Variants in LINGO2 observed in about 807,000 individuals in gnomAD.
LINGO2 encodes leucine rich repeat and Ig domain containing 2.
A neutral mutation model predicts 30.6 loss-of-function variants in LINGO2; 14 were observed. The observed-to-expected ratio is 0.46, with a 90% confidence interval of 0.30 to 0.72. The LOEUF is 0.72. LINGO2 is among the 30% of genes least tolerant of loss of function. The pLI is 0.07. For missense variants in LINGO2, 729 were observed against 751.7 expected, an observed-to-expected ratio of 0.97 and a Z score of 0.35; for synonymous variants, 317 against 288.5, an observed-to-expected ratio of 1.10 and a Z score of -1.00.
the LINGO2 span, among the ~76,000 whole-genome samples, chr9:29,109,385 A>T: frequency 2.0e-5 from 3 of 151,944 alleles, no homozygotes; most frequent in South Asian, 6.2e-4. Flanking sequence ...AGAAAAAATG[A>T]TTTGCAAGAT....
At chr9:28,846,503 T>C in the LINGO2 span, among the ~76,000 whole-genome samples, 23 of 148,014 alleles carry the variant, frequency 1.6e-4, no homozygotes, top group East Asian at 4.6e-3. Flanking sequence ...TGGAAGTGGG[T>C]GTTAAATAAA....
chr9:28,657,695 G>C (rs965246584), intron 1 of LINGO2, among the ~76,000 whole-genome samples: 2 of 151,910 alleles, frequency 1.3e-5, no homozygotes, highest in Non-Finnish European at 2.9e-5. Flanking sequence ...TCTTTTCAAA[G>C]AACCAGTTAT....
intron 1 of LINGO2, among the ~76,000 whole-genome samples, chr9:28,525,954 A>G (rs899710764): frequency 2.7e-5 from 4 of 150,372 alleles, no homozygotes; most frequent in South Asian, 2.1e-4. Context: ...TACTCGGGAG[A>G]CTGAGGCAGA....
intron 3 of LINGO2, among the ~76,000 whole-genome samples, chr9:28,332,354 C>G (rs1439147447): frequency 1.3e-5 from 2 of 152,122 alleles, no homozygotes; most frequent in Non-Finnish European, 2.9e-5. Flanking sequence ...AGGCGCTACA[C>G]TGAGCTTCCT....
chr9:28,749,269 G>A, the LINGO2 span, among the ~76,000 whole-genome samples: 1 of 151,840 alleles, frequency 6.6e-6, no homozygotes, highest in Non-Finnish European at 1.5e-5. Flanking sequence ...TGTTCCTTTT[G>A]TCCTTTACAT....
chr9:28,653,937 G>T (rs965645163), intron 1 of LINGO2, among the ~76,000 whole-genome samples: 1 of 151,972 alleles, frequency 6.6e-6, no homozygotes, highest in African/African-American at 2.4e-5. Context: ...CAACATTATA[G>T]CTATAATAAA....
chr9:28,044,949 TAGAC>T (rs933460883), intron 4 of LINGO2, among the ~76,000 whole-genome samples: 18 of 152,088 alleles, frequency 1.2e-4, no homozygotes, highest in African/African-American at 3.6e-4. Flanking sequence ...TAAAGATGGT[TAGAC>T]AGACGAGCAG....
chr9:28,055,815 T>C (rs1376870531), intron 4 of LINGO2, among the ~76,000 whole-genome samples: 1 of 152,154 alleles, frequency 6.6e-6, no homozygotes, highest in Middle Eastern at 3.2e-3. Flanking sequence ...TATAGTTTTA[T>C]CTAAAAAAGT....
At chr9:28,868,337 G>A in the LINGO2 span, among the ~76,000 whole-genome samples, 1 of 152,074 alleles carries the variant, frequency 6.6e-6, no homozygotes, top group Non-Finnish European at 1.5e-5. Context: ...AATATCTAGA[G>A]ATCCAGTTTA....
At chr9:29,023,830 T>A in the LINGO2 span, among the ~76,000 whole-genome samples, 1 of 152,090 alleles carries the variant, frequency 6.6e-6, no homozygotes, top group African/African-American at 2.4e-5. Flanking sequence ...GGCCAAAAAA[T>A]TATATCGGAA....
Position 28,245,726 on chromosome 9 carries a change from T to C in LINGO2, c.-87+49482A>G, listed in dbSNP as rs553955389. On this transcript the variant is annotated intron_variant, in intron 4 of 5. Transcript: ENST00000379992. Reference sequence around the variant, plus strand: ...AAAGAGAATAAAATACCTAGGAATATAGCTAAGAAGGGATGTGGAGAAACT... The same window carrying C: ...AAAGAGAATAAAATACCTAGGAATACAGCTAAGAAGGGATGTGGAGAAACT... Among the ~76,000 whole-genome samples, 30 of 148,374 alleles carry C rather than the reference T, an allele frequency of 2.0e-4. No homozygotes were observed. The East Asian group carries it at 3.2e-3, about 16-fold the overall frequency.
intron 1 of LINGO2, among the ~76,000 whole-genome samples, chr9:28,571,611 T>C (rs77522545): frequency 0.048 from 7,368 of 152,168 alleles, 214 homozygotes; most frequent in South Asian, 0.082. Context: ...AGTTAAGTGA[T>C]GGATTGAAGA....
chr9:28,667,659 G>T (rs1828856170), intron 1 of LINGO2, among the ~76,000 whole-genome samples: 1 of 152,090 alleles, frequency 6.6e-6, no homozygotes, highest in African/African-American at 2.4e-5. Context: ...CATGAGAATT[G>T]CTTGAACCCA....
chr9:29,195,190 A>T, the LINGO2 span, among the ~76,000 whole-genome samples: 8 of 152,194 alleles, frequency 5.3e-5, no homozygotes, highest in East Asian at 1.5e-3. Context: ...ATAAATGGTC[A>T]ATCAATATGT....
At chr9:28,741,533 A>G in the LINGO2 span, among the ~76,000 whole-genome samples, 1 of 152,006 alleles carries the variant, frequency 6.6e-6, no homozygotes, top group South Asian at 2.1e-4. Context: ...AATGAAGCCA[A>G]TCTTGCTCTG....
chr9:28,203,041 A>T (rs537124862), intron 4 of LINGO2, among the ~76,000 whole-genome samples: 1 of 152,342 alleles, frequency 6.6e-6, no homozygotes, highest in Non-Finnish European at 1.5e-5. Context: ...AAATATTAAA[A>T]TTTTAAAACA....
At chr9:28,795,983 TACACACAC>T in the LINGO2 span, among the ~76,000 whole-genome samples, 4,563 of 138,236 alleles carry the variant, frequency 0.033, 149 homozygotes, top group African/African-American at 0.084. Context: ...CAGTACTAGA[TACACACAC>T]ACACACACAC....
At chr9:28,193,415 G>A (rs1184583172) in intron 4 of LINGO2, among the ~76,000 whole-genome samples, 2 of 151,926 alleles carry the variant, frequency 1.3e-5, no homozygotes, top group Non-Finnish European at 2.9e-5. Context: ...TAAGGATTTG[G>A]AAAGGTATAA....
At chr9:28,106,910 T>A (rs1397830268) in intron 4 of LINGO2, among the ~76,000 whole-genome samples, 2 of 152,206 alleles carry the variant, frequency 1.3e-5, no homozygotes, top group African/African-American at 4.8e-5. Flanking sequence ...GCCTTCTTAC[T>A]CCTGTCTCTC....
Sources: gnomAD v4.1 joint callset for allele counts (sites outside exome capture counted in the v4.1 genomes callset) on GRCh38, gnomAD v4.1.1 for gene constraint, MANE v1.5 for transcripts, NCBI Gene and HGNC (gene_info 2026-07-23, HGNC 2026-07-21) for gene names.